The following HS3ST5 variants were observed in gnomAD, a reference collection of about 807,000 sequenced individuals.
HS3ST5 encodes heparan sulfate-glucosamine 3-sulfotransferase 5.
In HS3ST5, 10 loss-of-function variants were observed where a neutral mutation model predicts 25.4. That is an observed-to-expected ratio of 0.39 (90% CI 0.24 to 0.67). The LOEUF (loss-of-function observed/expected upper bound fraction) is 0.67. HS3ST5 is among the 30% of genes least tolerant of loss of function. The pLI is 0.44. For missense variants in HS3ST5, 324 were observed against 420.7 expected (o/e 0.77, Z 2.01); for synonymous variants, 170 against 162.4 (o/e 1.05, Z -0.36).
At chr6:114,295,880 A>G (rs899047899) in intron 1 of HS3ST5, among the ~76,000 whole-genome samples, 2 of 152,198 alleles carry the variant, frequency 1.3e-5, no homozygotes, top group East Asian at 3.9e-4. Flanking sequence ...TAAGATAGTC[A>G]TAAGTGGAAG....
intron 3 of HS3ST5, among the ~76,000 whole-genome samples, chr6:114,132,916 C>T (rs1777412385): frequency 6.6e-6 from 1 of 152,186 alleles, no homozygotes; most frequent in South Asian, 2.1e-4. Context: ...ATGTGTCTTA[C>T]ACAACATTTT....
chr6:114,129,742 G>A (rs1434213971), intron 3 of HS3ST5, among the ~76,000 whole-genome samples: 3 of 152,304 alleles, frequency 2.0e-5, no homozygotes, highest in East Asian at 1.9e-4. Context: ...TTGCAATCGT[G>A]CAAAGATACC....
chr6:114,219,837 T>TA (rs544324911), intron 2 of HS3ST5, among the ~76,000 whole-genome samples: 41 of 152,286 alleles, frequency 2.7e-4, no homozygotes, highest in Middle Eastern at 3.4e-3. Context: ...ATCCAGTTTT[T>TA]AGCTTCTTAA....
intron 3 of HS3ST5, among the ~76,000 whole-genome samples, chr6:114,100,646 A>G (rs757988336): frequency 7.9e-5 from 12 of 152,166 alleles, no homozygotes; most frequent in Non-Finnish European, 1.3e-4. Flanking sequence ...CAACAGCCTA[A>G]ACTGTAGCAT....
At chr6:114,189,356 T>C (rs1007846743) in intron 2 of HS3ST5, among the ~76,000 whole-genome samples, 1 of 152,086 alleles carries the variant, frequency 6.6e-6, no homozygotes, top group Non-Finnish European at 1.5e-5. Flanking sequence ...ATAAATGTGG[T>C]CTATTTTTAT....
chr6:114,147,632 G>C (rs527510985), intron 3 of HS3ST5, among the ~76,000 whole-genome samples: 4 of 152,294 alleles, frequency 2.6e-5, no homozygotes, highest in Admixed American at 2.6e-4. Flanking sequence ...CCAGGCTGGA[G>C]TACAGTGGCA....
chr6:114,271,546 C>T (rs73542354), intron 1 of HS3ST5, among the ~76,000 whole-genome samples: 1,550 of 151,838 alleles, frequency 0.01, 23 homozygotes, highest in African/African-American at 0.036. Flanking sequence ...ATATTCTATA[C>T]CTAAGAAGAA....
intron 3 of HS3ST5, among the ~76,000 whole-genome samples, chr6:114,146,383 C>T (rs1399873358): frequency 6.6e-6 from 1 of 152,166 alleles, no homozygotes; most frequent in East Asian, 1.9e-4. Context: ...AGAAGTCTGG[C>T]CCATAAAGTC....
chr6:114,306,527 TTA>T lies in HS3ST5; in HGVS notation c.-339+35666_-339+35667del, dbSNP rs566484065. On this transcript the variant is annotated intron_variant, in intron 1 of 4. Transcript: ENST00000312719. ...TGTTTTTTAGTGCTCGATATTATAT[TTA>T]TAGTAATTTTTCTAAAGTGTTTCTA... Among the ~76,000 whole-genome samples, 13 of 152,028 alleles carry T rather than the reference TTA, an allele frequency of 8.6e-5. No homozygotes were observed. In the South Asian group the frequency reaches 1.2e-3, roughly 15 times the overall value.
chr6:114,057,771 A>G lies in HS3ST5; in HGVS notation c.527T>C (p.Ile176Thr). Residue 176 changes from isoleucine to threonine, a missense_variant, in exon 5 of 5, where the codon ATC (isoleucine) becomes ACC (threonine). Physicochemically the swap from Ile to Thr is moderately conservative, Grantham distance 89. Around this residue, in one of 2 missense-constraint regions of HS3ST5, gnomAD observed 203 missense variants for 303.4 expected, o/e 0.67. Transcript: ENST00000312719. Reference protein sequence around the residue: ...PERIYKMNSSIKLLIIVREPT... With the variant: ...PERIYKMNSSTKLLIIVREPT... Reference sequence around the variant, plus strand: ...CTCCCTGACAATGATCAACAACTTGATGGATGAGTTCATTTTGTAAATCCT... The same window carrying G: ...CTCCCTGACAATGATCAACAACTTGGTGGATGAGTTCATTTTGTAAATCCT... The G allele has an allele frequency of 6.2e-7, 1 of 1,614,192 alleles. No individual in the cohort carries two copies. Among genetic ancestry groups the G allele is most frequent in the Non-Finnish European group, 8.5e-7 (1 of 1,180,036 alleles).
At chr6:114,313,113 T>C (rs1775605705) in intron 1 of HS3ST5, among the ~76,000 whole-genome samples, 1 of 134,142 alleles carries the variant, frequency 7.5e-6, no homozygotes, top group South Asian at 2.7e-4. Context: ...ATATTAGTCA[T>C]CAGAGAAATG....
chr6:114,067,472 C>G (rs1001519963), intron 3 of HS3ST5, among the ~76,000 whole-genome samples: 2 of 152,146 alleles, frequency 1.3e-5, no homozygotes, highest in African/African-American at 4.8e-5. Flanking sequence ...CATCCAATTG[C>G]AATGCACAGG....
chr6:114,118,584 A>G (rs1776642094), intron 3 of HS3ST5, among the ~76,000 whole-genome samples: 1 of 152,214 alleles, frequency 6.6e-6, no homozygotes, highest in African/African-American at 2.4e-5. Flanking sequence ...AAATAAAGTA[A>G]ATTTGAAAGT....
At chr6:114,116,584 G>T (rs1776538469) in intron 3 of HS3ST5, among the ~76,000 whole-genome samples, 1 of 152,086 alleles carries the variant, frequency 6.6e-6, no homozygotes, top group African/African-American at 2.4e-5. Flanking sequence ...AGAGCATTAA[G>T]AATAAAGTTA....
intron 3 of HS3ST5, among the ~76,000 whole-genome samples, chr6:114,166,060 T>TA (rs1226571018): frequency 6.6e-5 from 10 of 151,970 alleles, no homozygotes; most frequent in Non-Finnish European, 1.5e-4. Flanking sequence ...AAAGTAAAAA[T>TA]ACCTAGAATA....
At chr6:114,266,278 T>A (rs1266186466) in intron 1 of HS3ST5, among the ~76,000 whole-genome samples, 2 of 152,216 alleles carry the variant, frequency 1.3e-5, no homozygotes, top group African/African-American at 2.4e-5. Context: ...TTGTATCTCT[T>A]CTCTTAGGCT....
At chr6:114,257,228 A>G (rs1278183868) in intron 1 of HS3ST5, among the ~76,000 whole-genome samples, 3 of 152,244 alleles carry the variant, frequency 2.0e-5, no homozygotes, top group Admixed American at 2.0e-4. Flanking sequence ...TGGAGGCAGT[A>G]GGCTAAGGAA....
chr6:114,062,711 G>A (rs1036752232), intron 4 of HS3ST5, 28 bp downstream of exon 4: 2 of 1,389,104 alleles, frequency 1.4e-6, no homozygotes, highest in Non-Finnish European at 1.0e-6. Context: ...ATGTCACAGG[G>A]GTATAAGCAT....
intron 3 of HS3ST5, among the ~76,000 whole-genome samples, chr6:114,096,081 AC>A (rs1242119591): frequency 6.6e-6 from 1 of 152,100 alleles, no homozygotes; most frequent in Admixed American, 6.6e-5. Context: ...TGTATTTTAA[AC>A]CTTCAGGAAG....
Sources: allele counts gnomAD v4.1 joint callset (sites outside exome capture counted in the v4.1 genomes callset), GRCh38; gene constraint gnomAD v4.1.1; regional missense constraint gnomAD v4.1.1; transcripts MANE v1.5; gene names NCBI Gene and HGNC (gene_info 2026-07-23, HGNC 2026-07-21).